CDC14B: variants seen among roughly 807,000 people sequenced by gnomAD.
The protein encoded by CDC14B is cell division cycle 14B, also known as dual specificity protein phosphatase CDC14B.
Under a neutral mutation model 64.2 loss-of-function variants are expected in CDC14B, and 22 were observed. That is an observed-to-expected ratio of 0.34 (90% confidence interval 0.24 to 0.49). CDC14B has a LOEUF of 0.49. Ranked by LOEUF, CDC14B falls within the 20% of genes least tolerant of loss-of-function variation. CDC14B has a pLI of 0.99. For missense variants in CDC14B, 498 were observed against 629.9 expected, an observed-to-expected ratio of 0.79 and a Z score of 2.24; for synonymous variants, 191 against 215.8, an observed-to-expected ratio of 0.89 and a Z score of 1.01.
intron 7 of CDC14B, among the ~76,000 whole-genome samples, chr9:96,536,700 C>CT (rs930193310): frequency 6.6e-6 from 1 of 152,240 alleles, no homozygotes; most frequent in African/African-American, 2.4e-5. Context: ...AAAGAATTCT[C>CT]TGAGGATTCA....
At chr9:96,571,841 C>T (rs1844498202) in intron 1 of CDC14B, among the ~76,000 whole-genome samples, 1 of 152,188 alleles carries the variant, frequency 6.6e-6, no homozygotes, top group South Asian at 2.1e-4. Context: ...GTAAGACCCT[C>T]ATTCCACAAA....
intron 1 of CDC14B, among the ~76,000 whole-genome samples, chr9:96,583,370 TTTA>T (rs60483659): frequency 0.057 from 7,877 of 138,988 alleles, 243 homozygotes; most frequent in Non-Finnish European, 0.074. Flanking sequence ...GTTGTATTTA[TTTA>T]TTATTATTAT....
At chr9:96,611,450 C>T (rs1056142798) in intron 1 of CDC14B, among the ~76,000 whole-genome samples, 12 of 152,124 alleles carry the variant, frequency 7.9e-5, no homozygotes, top group Admixed American at 7.9e-4. Flanking sequence ...CTAGATGAGG[C>T]GTGGCTTTGA....
intron 1 of CDC14B, among the ~76,000 whole-genome samples, chr9:96,584,836 A>G (rs1005285395): frequency 6.6e-6 from 1 of 151,978 alleles, no homozygotes; most frequent in African/African-American, 2.4e-5. Flanking sequence ...TTGTCTTTTT[A>G]GTAGAGGCAG....
intron 1 of CDC14B, 99 bp downstream of exon 1, chr9:96,619,120 C>G: frequency 9.9e-7 from 1 of 1,008,090 alleles, no homozygotes; most frequent in South Asian, 4.9e-5. Context: ...CATTTCGGCC[C>G]GGCCCCGGAG....
chr9:96,503,628 T>G lies in CDC14B; in HGVS notation c.*125A>C. On this transcript the variant is annotated 3_prime_UTR_variant, in exon 14 of 14. Transcript: ENST00000375241. The stretch of plus-strand genomic sequence containing the variant: ...CTCCAGTGGACATTTTCTCCATTGA[T>G]CAACTTCTTAGGTGGAAAAAGCAAC... The G allele has an allele frequency of 1.3e-6, 1 of 794,904 alleles. No individual in the cohort carries two copies. The highest frequency in any genetic ancestry group is 2.1e-6 in the Non-Finnish European group (1 of 477,186). 49.2% of individuals were successfully genotyped at this position (794,904 alleles called of 1,614,324 possible).
chr9:96,616,550 A>C (rs10117417), intron 1 of CDC14B, among the ~76,000 whole-genome samples: 18,398 of 150,688 alleles, frequency 0.12, 3,686 homozygotes, highest in African/African-American at 0.42. Flanking sequence ...ATGGTGAAAC[A>C]CTGTCTCTAC....
At chr9:96,586,358 T>C (rs1162804747) in intron 1 of CDC14B, among the ~76,000 whole-genome samples, 1 of 152,172 alleles carries the variant, frequency 6.6e-6, no homozygotes, top group Non-Finnish European at 1.5e-5. Context: ...AAAAGATAAA[T>C]GTGGTTAAGT....
intron 1 of CDC14B, among the ~76,000 whole-genome samples, chr9:96,600,525 T>C (rs1219182009): frequency 1.3e-5 from 2 of 151,442 alleles, no homozygotes; most frequent in Non-Finnish European, 2.9e-5. Context: ...TTTTTTGAGA[T>C]GGGGTCTAAC....
At chr9:96,526,416 A>C (rs1837573213) in intron 9 of CDC14B, among the ~76,000 whole-genome samples, 1 of 152,176 alleles carries the variant, frequency 6.6e-6, no homozygotes, top group Non-Finnish European at 1.5e-5. Flanking sequence ...AACCATGAGA[A>C]GACTCAGAGA....
chr9:96,618,293 A>C (rs1465860712), intron 1 of CDC14B, among the ~76,000 whole-genome samples: 1 of 152,236 alleles, frequency 6.6e-6, no homozygotes, highest in African/African-American at 2.4e-5. Context: ...CCCGCCACTG[A>C]AAACAGACTG....
intron 1 of CDC14B, among the ~76,000 whole-genome samples, chr9:96,575,646 T>A (rs919157117): frequency 6.1e-4 from 93 of 152,112 alleles, no homozygotes; most frequent in Admixed American, 6.0e-3. Context: ...GAGTTATAAT[T>A]TTAAAATGCA....
intron 12 of CDC14B, among the ~76,000 whole-genome samples, chr9:96,510,883 C>T (rs1350066009): frequency 6.6e-6 from 1 of 152,200 alleles, no homozygotes; most frequent in Admixed American, 6.5e-5. Flanking sequence ...GCTGGGATTA[C>T]AGGTGTGAGC....
chr9:96,494,288 T>C (rs6477497), intron 13 of CDC14B, among the ~76,000 whole-genome samples: 36,640 of 152,202 alleles, frequency 0.24, 5,634 homozygotes, highest in African/African-American at 0.44. Flanking sequence ...GGAAAAGGGA[T>C]GCCTGTACCT....
downstream of CDC14B, among the ~76,000 whole-genome samples, chr9:96,497,632 C>A (rs1404016265): frequency 6.6e-6 from 1 of 152,210 alleles, no homozygotes; most frequent in Non-Finnish European, 1.5e-5. Flanking sequence ...GAGGAGCGGG[C>A]AGCGGCGACT....
chr9:96,593,235 T>A (rs1433487877), intron 1 of CDC14B, among the ~76,000 whole-genome samples: 1 of 152,152 alleles, frequency 6.6e-6, no homozygotes. Context: ...ACGCCTGTAA[T>A]CCCAGCACTT....
chr9:96,572,722 G>T (rs1453450027), intron 1 of CDC14B, among the ~76,000 whole-genome samples: 1 of 152,088 alleles, frequency 6.6e-6, no homozygotes, highest in African/African-American at 2.4e-5. Context: ...AGAGAAGGAA[G>T]TCATTAAAAT....
chr9:96,496,297 T>C (rs767718427), downstream of CDC14B: 52 of 513,938 alleles, frequency 1.0e-4, no homozygotes, highest in Non-Finnish European at 1.8e-4. Flanking sequence ...CTAGTCCTTG[T>C]GGATCCCGAG....
chr9:96,609,282 A>G (rs1564393367), intron 1 of CDC14B, among the ~76,000 whole-genome samples: 1 of 152,198 alleles, frequency 6.6e-6, no homozygotes, highest in Admixed American at 6.5e-5. Flanking sequence ...TTCATTTTGT[A>G]TAGGAATGAT....
Sources: allele counts gnomAD v4.1 joint callset (sites outside exome capture counted in the v4.1 genomes callset), GRCh38; gene constraint gnomAD v4.1.1; transcripts MANE v1.5; gene names NCBI Gene and HGNC (gene_info 2026-07-23, HGNC 2026-07-21).